MACROD2: variants seen among roughly 807,000 people sequenced by gnomAD.
MACROD2 encodes the protein ADP-ribose glycohydrolase MACROD2.
MACROD2 carries 36 observed loss-of-function variants against 70.4 expected under a neutral mutation model. The observed-to-expected ratio is 0.51, with a 90% CI of 0.39 to 0.68. MACROD2 has a LOEUF of 0.68. Among genes scored for constraint, MACROD2 ranks in the 30% least tolerant of loss-of-function variants. The probability of loss-of-function intolerance (pLI) is 0.00; values close to 1 mark genes in which losing one functional copy is unlikely to be tolerated. For missense variants in MACROD2, 496 were observed against 538.4 expected, an observed-to-expected ratio of 0.92 and a Z score of 0.78; for synonymous variants, 172 against 178.8, an observed-to-expected ratio of 0.96 and a Z score of 0.30.
At chr20:15,048,072 C>T (rs4813169) in intron 5 of MACROD2, among the ~76,000 whole-genome samples, 1,555 of 141,766 alleles carry the variant, frequency 0.011, 14 homozygotes, top group Middle Eastern at 0.026. Flanking sequence ...AAGAACAGCC[C>T]GGCCAACATG....
chr20:15,520,895 A>G (rs1163523979), intron 8 of MACROD2, among the ~76,000 whole-genome samples: 1 of 152,242 alleles, frequency 6.6e-6, no homozygotes, highest in Admixed American at 6.5e-5. Flanking sequence ...AAAACTTGCC[A>G]TGGACTGCAC....
intron 3 of MACROD2, among the ~76,000 whole-genome samples, chr20:14,254,214 A>G (rs923386107): frequency 6.6e-6 from 1 of 152,018 alleles, no homozygotes; most frequent in Non-Finnish European, 1.5e-5. Flanking sequence ...TACTATTATC[A>G]TTTTGCTTTT....
chr20:15,656,875 A>G (rs1315589736), intron 8 of MACROD2, among the ~76,000 whole-genome samples: 2 of 152,200 alleles, frequency 1.3e-5, no homozygotes, highest in Non-Finnish European at 2.9e-5. Flanking sequence ...AAGTAAGAAG[A>G]GACCATAAAA....
At chr20:15,044,516 G>T (rs1311310958) in intron 5 of MACROD2, among the ~76,000 whole-genome samples, 1 of 151,888 alleles carries the variant, frequency 6.6e-6, no homozygotes, top group Middle Eastern at 3.2e-3. Context: ...CATTCTCTCT[G>T]CCTGGAGAGC....
At chr20:14,065,171 A>G (rs6079278) in intron 2 of MACROD2, among the ~76,000 whole-genome samples, 5,916 of 152,238 alleles carry the variant, frequency 0.039, 151 homozygotes, top group Non-Finnish European at 0.063. Flanking sequence ...ATAGACTTCC[A>G]TTCCTGTTCT....
intron 5 of MACROD2, among the ~76,000 whole-genome samples, chr20:15,080,211 G>A (rs907928287): frequency 1.3e-5 from 2 of 152,022 alleles, no homozygotes; most frequent in Non-Finnish European, 2.9e-5. Flanking sequence ...GGCTTTTAGA[G>A]CAGAACTCCT....
At chr20:15,166,922 TATTAA>T (rs1182225555) in intron 5 of MACROD2, among the ~76,000 whole-genome samples, 3 of 148,998 alleles carry the variant, frequency 2.0e-5, no homozygotes, top group South Asian at 4.3e-4. Context: ...TTAATTTAAG[TATTAA>T]ATTTAAGTAT....
chr20:14,163,344 A>C (rs2055218698), intron 3 of MACROD2, among the ~76,000 whole-genome samples: 1 of 152,064 alleles, frequency 6.6e-6, no homozygotes, highest in Non-Finnish European at 1.5e-5. Flanking sequence ...TCCTTTATAA[A>C]TGATTAGATA....
At chr20:14,014,547 A>G (rs1325572764) in intron 2 of MACROD2, among the ~76,000 whole-genome samples, 1 of 152,182 alleles carries the variant, frequency 6.6e-6, no homozygotes, top group African/African-American at 2.4e-5. Flanking sequence ...CTTCAATACG[A>G]TGAGAATAAA....
At chr20:15,105,511 G>T (rs955504345) in intron 5 of MACROD2, among the ~76,000 whole-genome samples, 3 of 152,070 alleles carry the variant, frequency 2.0e-5, no homozygotes, top group African/African-American at 7.2e-5. Context: ...TCCTAGTAGG[G>T]TATTGGGGTG....
At position 15,904,489 on chromosome 20, in the gene MACROD2, G is replaced by A. The variant is rs532949056; in HGVS notation, c.775+18678G>A. On this transcript the variant is annotated intron_variant, in intron 10 of 17. Coordinates refer to ENST00000684519, the MANE Select transcript of MACROD2 (RefSeq NM_001351661.2). ...CACTATGTTTCTCCCCATAAAAGGT[G>A]TTTTTTTATTGTTTTTGTCTTGTTG... Among the ~76,000 whole-genome samples, 453 of 152,174 alleles carry A rather than the reference G, an allele frequency of 3.0e-3. 3 individuals carry two copies. Among genetic ancestry groups the A allele is most frequent in the African/African-American group, 0.01 (425 of 41,514 alleles).
intron 5 of MACROD2, among the ~76,000 whole-genome samples, chr20:14,861,353 A>C (rs2073314356): frequency 6.6e-6 from 1 of 152,084 alleles, no homozygotes; most frequent in Non-Finnish European, 1.5e-5. Context: ...GAAACATACT[A>C]ACAGCTGGGT....
intron 3 of MACROD2, among the ~76,000 whole-genome samples, chr20:14,316,553 G>GT (rs1042134118): frequency 2.5e-4 from 38 of 151,900 alleles, no homozygotes; most frequent in East Asian, 1.9e-4. Context: ...TAAAACATGA[G>GT]TTTTTTTTGT....
chr20:15,400,270 A>G (rs1342611752), intron 6 of MACROD2, among the ~76,000 whole-genome samples: 3 of 152,182 alleles, frequency 2.0e-5, no homozygotes, highest in African/African-American at 7.2e-5. Flanking sequence ...TAGCTTCTGC[A>G]TAGGAAACAA....
At chr20:15,919,289 C>T (rs6110830) in intron 10 of MACROD2, among the ~76,000 whole-genome samples, 6 of 152,190 alleles carry the variant, frequency 3.9e-5, no homozygotes, top group African/African-American at 9.7e-5. Flanking sequence ...TGTCTGTGGC[C>T]TACTCTGCCA....
At chr20:15,613,279 CT>C (rs2048994823) in intron 8 of MACROD2, among the ~76,000 whole-genome samples, 1 of 152,142 alleles carries the variant, frequency 6.6e-6, no homozygotes, top group Non-Finnish European at 1.5e-5. Context: ...TCTTTGTCTA[CT>C]TATTATGACA....
At chr20:15,214,029 G>A (rs2076787276) in intron 5 of MACROD2, among the ~76,000 whole-genome samples, 1 of 152,010 alleles carries the variant, frequency 6.6e-6, no homozygotes, top group Admixed American at 6.6e-5. Flanking sequence ...ACAGGTGTGA[G>A]CCATGGCTCC....
At chr20:14,056,133 G>T (rs1488114638) in intron 2 of MACROD2, among the ~76,000 whole-genome samples, 1 of 151,788 alleles carries the variant, frequency 6.6e-6, no homozygotes, top group Non-Finnish European at 1.5e-5. Flanking sequence ...CTCAGGTTTT[G>T]GATAATATGA....
intron 3 of MACROD2, among the ~76,000 whole-genome samples, chr20:14,335,293 A>G (rs1449983119): frequency 2.0e-5 from 3 of 152,156 alleles, no homozygotes; most frequent in African/African-American, 7.2e-5. Flanking sequence ...TGGAGTTTCT[A>G]TTTGATTGGG....
Sources: allele counts gnomAD v4.1 joint callset (sites outside exome capture counted in the v4.1 genomes callset), GRCh38; gene constraint gnomAD v4.1.1; transcripts MANE v1.5; gene names NCBI Gene and HGNC (gene_info 2026-07-23, HGNC 2026-07-21).